RAB37: variants seen among roughly 807,000 people sequenced by gnomAD.
RAB37 encodes RAB37, member RAS oncogene family.
Under a neutral mutation model 33.1 loss-of-function variants are expected in RAB37, and 29 were observed. The ratio of observed to expected loss-of-function variants is 0.88; its 90% CI spans 0.65 to 1.20. RAB37 has a LOEUF of 1.20. RAB37 is among the 50% of genes most tolerant of loss of function. The pLI is 0.00. For missense variants in RAB37, 299 were observed against 301.1 expected, an observed-to-expected ratio of 0.99 and a Z score of 0.05; for synonymous variants, 128 against 119.5, an observed-to-expected ratio of 1.07 and a Z score of -0.47.
chr17:74,727,391 G>C (rs1351816725), intron 1 of RAB37, among the ~76,000 whole-genome samples: 1 of 152,226 alleles, frequency 6.6e-6, no homozygotes, highest in Non-Finnish European at 1.5e-5. Flanking sequence ...CCATGATGCA[G>C]GTTGGATCCC....
intron 1 of RAB37, among the ~76,000 whole-genome samples, chr17:74,699,954 A>C (rs964021748): frequency 1.3e-5 from 2 of 152,144 alleles, no homozygotes; most frequent in Admixed American, 6.5e-5. Context: ...CAGCCTGACC[A>C]ACATGGTGAA....
At chr17:74,699,226 G>T (rs2032806874) in intron 1 of RAB37, among the ~76,000 whole-genome samples, 1 of 152,014 alleles carries the variant, frequency 6.6e-6, no homozygotes, top group Non-Finnish European at 1.5e-5. Flanking sequence ...CTTAACAAAA[G>T]ATAGTTTTTA....
At chr17:74,691,064 G>A (rs1220186384) in intron 1 of RAB37, among the ~76,000 whole-genome samples, 3 of 152,086 alleles carry the variant, frequency 2.0e-5, no homozygotes, top group Admixed American at 6.6e-5. Flanking sequence ...GACCACAGAC[G>A]CCTGGCTAAT....
chr17:74,736,105 C>T (rs2034470850), upstream of RAB37, among the ~76,000 whole-genome samples: 1 of 151,980 alleles, frequency 6.6e-6, no homozygotes, highest in Non-Finnish European at 1.5e-5. Flanking sequence ...CCAGCTACTC[C>T]GGGAGACTGA....
At chr17:74,687,818 C>A (rs2032084855) in intron 1 of RAB37, among the ~76,000 whole-genome samples, 1 of 152,160 alleles carries the variant, frequency 6.6e-6, no homozygotes, top group South Asian at 2.1e-4. Flanking sequence ...GGATCCATGG[C>A]TGCCAATTCT....
intron 1 of RAB37, among the ~76,000 whole-genome samples, chr17:74,713,715 A>G (rs573006001): frequency 6.6e-6 from 1 of 152,036 alleles, no homozygotes; most frequent in South Asian, 2.1e-4. Flanking sequence ...AAGCCAGAGG[A>G]GAGATTCCAG....
chr17:74,743,083 T>A, intron 3 of RAB37, 46 bp from the exon 4 acceptor site: 2 of 1,569,314 alleles, frequency 1.3e-6, no homozygotes, highest in South Asian at 1.1e-5. Flanking sequence ...GCACATTCCT[T>A]GCACCTGCCT....
intron 1 of RAB37, among the ~76,000 whole-genome samples, chr17:74,675,642 C>T (rs142379691): frequency 7.9e-5 from 12 of 152,264 alleles, no homozygotes; most frequent in South Asian, 2.1e-4. Flanking sequence ...ATACAAAAAG[C>T]GTGACTTCTA....
chr17:74,732,808 G>GTA (rs2034409214), upstream of RAB37, among the ~76,000 whole-genome samples: 2 of 151,866 alleles, frequency 1.3e-5, no homozygotes, highest in African/African-American at 2.4e-5. Context: ...TGTGTGGCGT[G>GTA]ATTTGAGGTG....
At chr17:74,698,232 C>G in intron 1 of RAB37, 1 of 685,140 alleles carries the variant, frequency 1.5e-6, no homozygotes. Context: ...TCCCCTGGCA[C>G]TGCCAGCTGC....
chr17:74,736,720 A>G (rs1002367782), upstream of RAB37: 7 of 1,535,618 alleles, frequency 4.6e-6, no homozygotes, highest in Admixed American at 9.8e-5. Context: ...CGCAGCGTAC[A>G]TGTGCTGCAA....
intron 1 of RAB37, among the ~76,000 whole-genome samples, chr17:74,697,163 C>T (rs960113694): frequency 4.6e-5 from 7 of 152,048 alleles, no homozygotes; most frequent in Admixed American, 1.3e-4. Context: ...AGGCTGGTCT[C>T]GAACTCCTGA....
At chr17:74,698,721 A>C (rs1469192369) in intron 1 of RAB37, 1 of 976,262 alleles carries the variant, frequency 1.0e-6, no homozygotes, top group Admixed American at 3.1e-5. Context: ...GGAGGGTGGG[A>C]GGAAGCAAAG....
chr17:74,745,126 G>C lies in RAB37; in HGVS notation c.566+42G>C. On this transcript the variant is annotated intron_variant, in intron 8 of 8. Coordinates refer to ENST00000392613, the MANE Select transcript of RAB37 (RefSeq NM_001006638.3). This position sits in a 1 kb window ranked among gnomAD's most constrained non-coding sequence, Gnocchi z 4.5. ...GAAGGGAAGTGTGCGGGGCAGGGCG[G>C]CACACTCCAGGAATCCAGTAGGGCC... 1 of 1,604,588 alleles carries C rather than the reference G, an allele frequency of 6.2e-7. No homozygotes were observed. The highest frequency in any genetic ancestry group is 8.5e-7 in the Non-Finnish European group (1 of 1,172,316).
chr17:74,737,142 G>A (rs750721966), upstream of RAB37: 5 of 1,585,790 alleles, frequency 3.2e-6, no homozygotes, highest in South Asian at 5.6e-5. Flanking sequence ...CGTCGAGGGG[G>A]CGACGGGACG....
At chr17:74,718,996 G>A (rs1163258505) in intron 1 of RAB37, among the ~76,000 whole-genome samples, 1 of 152,138 alleles carries the variant, frequency 6.6e-6, no homozygotes, top group Non-Finnish European at 1.5e-5. Context: ...TTATACATCT[G>A]TGGGGGAAAA....
chr17:74,704,429 G>T, intron 1 of RAB37: 1 of 1,328,540 alleles, frequency 7.5e-7, no homozygotes, highest in Non-Finnish European at 1.1e-6. Flanking sequence ...TCAGAGACCA[G>T]GACAGAGCAG....
rs1045183446 is a variant in RAB37, at chr17:74,678,651, T to C, written c.72+6993T>C. Reference sequence around the variant, plus strand: ...AATTTTCTCTTACTTGCTAGCCTTCTGCCCCTGGCCACCACACACACAGAC... The same window carrying C: ...AATTTTCTCTTACTTGCTAGCCTTCCGCCCCTGGCCACCACACACACAGAC... On this transcript the variant is annotated intron_variant, in intron 1 of 7. Coordinates refer to the RAB37 transcript ENST00000340415. Among the ~76,000 whole-genome samples, 7 of 151,796 alleles carry C rather than the reference T, an allele frequency of 4.6e-5. No homozygotes were observed. The East Asian group carries it at 1.4e-3, about 29-fold the overall frequency.
chr17:74,725,502 A>T (rs2034294874), intron 1 of RAB37, among the ~76,000 whole-genome samples: 1 of 152,160 alleles, frequency 6.6e-6, no homozygotes, highest in African/African-American at 2.4e-5. Flanking sequence ...AGGAGCACAG[A>T]GAAGGAGCAG....
Sources: gnomAD v4.1 joint callset for allele counts (sites outside exome capture counted in the v4.1 genomes callset) on GRCh38, gnomAD v4.1.1 for gene constraint, Gnocchi (gnomAD v3.1) non-coding constraint, MANE v1.5 for transcripts, NCBI Gene and HGNC (gene_info 2026-07-23, HGNC 2026-07-21) for gene names.